CPT2: variants seen among roughly 807,000 people sequenced by gnomAD.
CPT2 encodes carnitine palmitoyltransferase 2, also known as carnitine O-palmitoyltransferase 2, mitochondrial.
In CPT2, 37 loss-of-function variants were observed where a neutral mutation model predicts 48.6. The ratio of observed to expected loss-of-function variants is 0.76; its 90% CI spans 0.59 to 1.00. CPT2 has a LOEUF of 1.00. Among genes scored for constraint, CPT2 ranks in the 50% least tolerant of loss-of-function variants. CPT2 has a pLI of 0.00. For synonymous variants in CPT2, 319 were observed against 326.9 expected (o/e 0.98, Z 0.26); for missense variants, 772 against 825.6 (o/e 0.94, Z 0.80).
At chr1:53,204,849 A>AT (rs1272876470) in intron 3 of CPT2, among the ~76,000 whole-genome samples, 1 of 152,116 alleles carries the variant, frequency 6.6e-6, no homozygotes, top group Non-Finnish European at 1.5e-5. Context: ...GCCACATAAG[A>AT]TGTGCCTTGC....
chr1:53,198,516 C>G (rs1055667165), intron 1 of CPT2, among the ~76,000 whole-genome samples: 3 of 152,226 alleles, frequency 2.0e-5, no homozygotes, highest in African/African-American at 7.2e-5. Flanking sequence ...CTGGTACATG[C>G]TTCCACCCTG....
intron 3 of CPT2, 62 bp downstream of exon 3, chr1:53,202,491 A>G: frequency 7.6e-7 from 1 of 1,313,818 alleles, no homozygotes; most frequent in Non-Finnish European, 1.1e-6. Context: ...AAAGTAAGGC[A>G]TATTCTCTCC....
At position 53,197,036 on chromosome 1, in the gene CPT2, C is replaced by G; in HGVS notation, c.93C>G (p.Pro31=). 6.5e-7 allele frequency: 1 copy of G among 1,537,662 alleles called. No homozygotes were observed. Among genetic ancestry groups the G allele is most frequent in the Non-Finnish European group, 8.7e-7 (1 of 1,145,882 alleles). ...PSRPLSAGSG[P]GQYLQRSIVP... Reference sequence around the variant, plus strand: ...GGCCCCTCAGCGCCGGCTCCGGGCCCGGCCAGTACCTGCAGCGCAGCATCG... The same window carrying G: ...GGCCCCTCAGCGCCGGCTCCGGGCCGGGCCAGTACCTGCAGCGCAGCATCG... Residue 31 remains proline, a synonymous_variant, in exon 1 of 5, where the codon CCC becomes CCG. Coordinates refer to ENST00000371486, the MANE Select transcript of CPT2 (RefSeq NM_000098.3).
chr1:53,197,584 A>C, intron 1 of CPT2: 1 of 242,866 alleles, frequency 4.1e-6, no homozygotes. Flanking sequence ...GTCACTCAGG[A>C]CCCTCAGCCC....
Position 53,197,057 on chromosome 1 carries a change from C to G in CPT2, c.114C>G (p.Ser38Arg). The change falls in exon 1 of 5, where the codon AGC (serine) becomes AGG (arginine). Residue 38 changes from serine (S) to arginine (R), a missense_variant. Coordinates refer to ENST00000371486, the MANE Select transcript of CPT2 (RefSeq NM_000098.3). ...GGCCCGGCCAGTACCTGCAGCGCAG[C>G]ATCGTGCCCACCATGCACTACCAGG... is the stretch of plus-strand genomic sequence containing the variant. ...GSGPGQYLQR[S>R]IVPTMHYQDS... 1 of 1,539,252 alleles carries G rather than the reference C, an allele frequency of 6.5e-7. No homozygotes were observed. The highest frequency in any genetic ancestry group is 8.7e-7 in the Non-Finnish European group (1 of 1,146,456).
chr1:53,201,000 G>A, intron 2 of CPT2: 1 of 628,082 alleles, frequency 1.6e-6, no homozygotes. Context: ...CTCTAAACAG[G>A]CTCAACAGGA....
chr1:53,206,855 T>G (rs1645392993), intron 3 of CPT2, among the ~76,000 whole-genome samples: 1 of 152,220 alleles, frequency 6.6e-6, no homozygotes, highest in Non-Finnish European at 1.5e-5. Flanking sequence ...GGGGCACTGT[T>G]GGGAAGACAT....
intron 3 of CPT2, among the ~76,000 whole-genome samples, chr1:53,206,475 G>T (rs887314817): frequency 6.6e-6 from 1 of 152,244 alleles, no homozygotes; most frequent in African/African-American, 2.4e-5. Flanking sequence ...ATGCCAGCCT[G>T]TAAAAGCAAC....
chr1:53,202,863 A>G (rs370942138), intron 3 of CPT2: 3 of 194,206 alleles, frequency 1.5e-5, no homozygotes, highest in East Asian at 2.4e-4. Context: ...GCCTTTATCC[A>G]TGCTGTTCCC....
intron 2 of CPT2, 54 bp downstream of exon 2, chr1:53,200,853 G>A (rs1309615229): frequency 2.2e-6 from 3 of 1,389,212 alleles, no homozygotes; most frequent in Admixed American, 1.7e-5. Context: ...AGACAGGCTG[G>A]CAAGTAGTGG....
intron 3 of CPT2, chr1:53,203,498 C>G (rs137937279): frequency 6.6e-6 from 1 of 152,142 alleles, no homozygotes; most frequent in African/African-American, 2.4e-5. Flanking sequence ...GTTTAGTTTT[C>G]TATGTGCTTA....
Position 53,210,479 on chromosome 1 carries a change from A to G in CPT2, c.805A>G (p.Ile269Val). Residue 269 changes from isoleucine (I) to valine (V), a missense_variant, in exon 4 of 5, where the codon ATC becomes GTC. Transcript: ENST00000371486. ...TGGGAACATTGTGAGCCCCTCGGAA[A>G]TCCAGGCACATCTGAAGTACATTCT... ...QDGNIVSPSE[I>V]QAHLKYILSD... 6.2e-7 allele frequency: 1 copy of G among 1,614,122 alleles called. No homozygotes were observed. The highest frequency in any genetic ancestry group is 2.2e-5 in the East Asian group (1 of 44,878).
intron 4 of CPT2, chr1:53,212,682 G>T: frequency 2.5e-6 from 1 of 401,366 alleles, no homozygotes; most frequent in South Asian, 1.2e-4. Flanking sequence ...ACCTGGAAAG[G>T]ACCTGGAGGG....
Position 53,210,154 on chromosome 1 carries a change from C to G in CPT2, c.480C>G (p.Ile160Met). Residue 160 changes from isoleucine (I) to methionine (M), a missense_variant, in exon 4 of 5, where the codon ATC (isoleucine) becomes ATG (methionine). Ile to Met is a conservative substitution (Grantham distance 10). Coordinates refer to ENST00000371486, the MANE Select transcript of CPT2 (RefSeq NM_000098.3). ...CAACCAACATGACTGTTTCTGCCAT[C>G]CGGTTTCTGAAGACACTCCGGGCTG... ...TRATNMTVSA[I>M]RFLKTLRAGL... 6.2e-7 allele frequency: 1 copy of G among 1,614,164 alleles called. No homozygotes were observed. Among genetic ancestry groups the G allele is most frequent in the Non-Finnish European group, 8.5e-7 (1 of 1,180,036 alleles).
chr1:53,201,193 C>G (rs998296017), intron 2 of CPT2: 5 of 259,302 alleles, frequency 1.9e-5, no homozygotes, highest in African/African-American at 1.1e-4. Flanking sequence ...TAGCATGCCT[C>G]CAAAATTTAT....
At chr1:53,198,909 T>C (rs1175552737) in intron 1 of CPT2, among the ~76,000 whole-genome samples, 1 of 152,202 alleles carries the variant, frequency 6.6e-6, no homozygotes, top group Admixed American at 6.5e-5. Flanking sequence ...GATTCTAGAC[T>C]GGTAAAATGT....
Position 53,211,181 on chromosome 1 carries a change from C to T in CPT2, c.1507C>T (p.Arg503Cys), listed in dbSNP as rs74315296. 21 of 1,608,362 alleles carry T rather than the reference C, an allele frequency of 1.3e-5. No individual in the cohort carries two copies. The highest frequency in any genetic ancestry group is 2.2e-5 in the East Asian group (1 of 44,786). ...CAAGCACGGCCGCACTGAGACCATC[C>T]GCCCGGCCTCCGTCTATACAAAGAG... ...AFKHGRTETIRPASVYTKRCS... is the reference protein window; with the variant it reads ...AFKHGRTETICPASVYTKRCS... Residue 503 changes from arginine to cysteine, a missense_variant, in exon 4 of 5, where the codon CGC becomes TGC. Coordinates refer to ENST00000371486, the MANE Select transcript of CPT2 (RefSeq NM_000098.3).
intron 2 of CPT2, 184 bp downstream of exon 2, chr1:53,200,983 A>G (rs1645351934): frequency 3.0e-6 from 2 of 662,838 alleles, no homozygotes; most frequent in Non-Finnish European, 5.5e-6. Context: ...CCAAGCCCCG[A>G]GAGTTCCTCT....
At position 53,197,115 on chromosome 1, in the gene CPT2, CCCCGCCG is replaced by C. The variant is rs1254819212; in HGVS notation, c.152+30_152+36del. ...GCCCAGGTGAGCCTGGCCTCCGGGT[CCCCGCCG>C]CCCGCCGCCGTCCCAGGATCGGCCC... On this transcript the variant is annotated intron_variant, in intron 1 of 4. Transcript: ENST00000371486. The C allele has an allele frequency of 2.2e-5, 34 of 1,536,808 alleles. No individual in the cohort carries two copies. The highest frequency in any genetic ancestry group is 1.9e-4 in the African/African-American group (14 of 73,104).
Sources: gnomAD v4.1 joint callset for allele counts (sites outside exome capture counted in the v4.1 genomes callset) on GRCh38, gnomAD v4.1.1 for gene constraint, MANE v1.5 for transcripts, NCBI Gene and HGNC (gene_info 2026-07-23, HGNC 2026-07-21) for gene names.